The following NEK11 variants were observed in gnomAD, a reference collection of about 807,000 sequenced individuals.
The protein encoded by NEK11 is NIMA related kinase 11.
A neutral mutation model predicts 80.7 loss-of-function variants in NEK11; 72 were observed. The observed-to-expected ratio is 0.89, with a 90% CI of 0.74 to 1.08. The LOEUF is 1.08. Among genes scored for constraint, NEK11 ranks in the 50% least tolerant of loss-of-function variants. NEK11 has a pLI of 0.00. For missense variants in NEK11, 764 were observed against 763.6 expected (o/e 1.00, Z -0.01); for synonymous variants, 251 against 260.7 (o/e 0.96, Z 0.36).
chr3:131,224,087 T>C (rs1182558650), intron 14 of NEK11, among the ~76,000 whole-genome samples: 1 of 152,138 alleles, frequency 6.6e-6, no homozygotes, highest in African/African-American at 2.4e-5. Context: ...ATCATAACAT[T>C]GCAGAGCAAC....
At chr3:131,313,357 G>A (rs771288931) in intron 17 of NEK11, among the ~76,000 whole-genome samples, 2 of 152,048 alleles carry the variant, frequency 1.3e-5, no homozygotes, top group Non-Finnish European at 2.9e-5. Flanking sequence ...TCACTGGGTC[G>A]AATGGTAGTT....
chr3:131,031,345 T>G (rs2064817316), intron 3 of NEK11, among the ~76,000 whole-genome samples: 1 of 152,242 alleles, frequency 6.6e-6, no homozygotes, highest in Non-Finnish European at 1.5e-5. Flanking sequence ...AGAGGTGCTC[T>G]TCTAGCCATT....
At chr3:131,289,699 G>C (rs1451226054) in intron 17 of NEK11, among the ~76,000 whole-genome samples, 1 of 152,182 alleles carries the variant, frequency 6.6e-6, no homozygotes, top group African/African-American at 2.4e-5. Flanking sequence ...TCAGGTTCTA[G>C]GTGGTGTACA....
At position 131,109,868 on chromosome 3, in the gene NEK11, A is replaced by C; in HGVS notation, c.402A>C (p.Gln134His). The change falls in exon 5 of 18, where the codon CAA becomes CAC. Residue 134 changes from glutamine (Q) to histidine (H), a missense_variant. Transcript: ENST00000383366. ...CTGGAAAAATCTTTCCAGAAAATCA[A>C]ATAATAGAATGGTTTATCCAGCTGC... The part of the protein sequence containing the change: ...KQAGKIFPEN[Q>H]IIEWFIQLLL... 6.2e-7 allele frequency: 1 copy of C among 1,604,426 alleles called. No individual in the cohort carries two copies. The highest frequency in any genetic ancestry group is 8.5e-7 in the Non-Finnish European group (1 of 1,176,392).
intron 16 of NEK11, among the ~76,000 whole-genome samples, chr3:131,265,850 T>C (rs2096044236): frequency 6.6e-6 from 1 of 152,154 alleles, no homozygotes; most frequent in Non-Finnish European, 1.5e-5. Context: ...GTCCTGGACT[T>C]TTTTTGGTTG....
rs894901759 is a variant in NEK11, at chr3:131,323,226, A to T, written c.1719-26331A>T. ...TTTGGCTTCAGAAAGCAATTAAAAA[A>T]CTCAGCATTTCTAGGCAAAAAGCTT... On this transcript the variant is annotated intron_variant, in intron 17 of 17. Coordinates refer to ENST00000383366, the MANE Select transcript of NEK11 (RefSeq NM_024800.5). Among the ~76,000 whole-genome samples, 5 of 152,138 alleles carry T rather than the reference A, an allele frequency of 3.3e-5. No homozygotes were observed. The South Asian group carries it at 1.0e-3, about 32-fold the overall frequency.
In NEK11 at chr3:131,264,287, C is replaced by T. The variant is rs559823188; in HGVS notation, c.1622-9191C>T. On this transcript the variant is annotated intron_variant, in intron 16 of 17. Transcript: ENST00000383366. ...GTGTTTTAGTCATGAAGTCCTTGCC[C>T]ATGCCCATGTCCTGAATGGTATTGC... Among the ~76,000 whole-genome samples, 264 of 152,318 alleles carry T rather than the reference C, an allele frequency of 1.7e-3. 2 individuals carry two copies. Among genetic ancestry groups the T allele is most frequent in the African/African-American group, 6.0e-3 (249 of 41,564 alleles).
chr3:131,039,717 CTTAAAT>C (rs1348513140), intron 3 of NEK11, among the ~76,000 whole-genome samples: 1 of 152,076 alleles, frequency 6.6e-6, no homozygotes, highest in East Asian at 1.9e-4. Flanking sequence ...ATGTATATGA[CTTAAAT>C]TTAAAAGAAA....
chr3:131,345,424 C>T (rs2097347902), intron 17 of NEK11, among the ~76,000 whole-genome samples: 1 of 152,080 alleles, frequency 6.6e-6, no homozygotes, highest in Non-Finnish European at 1.5e-5. Context: ...TAAAAATGGC[C>T]AACGGATATG....
chr3:131,087,876 G>A (rs1195357034), intron 4 of NEK11: 1 of 152,152 alleles, frequency 6.6e-6, no homozygotes, highest in Non-Finnish European at 1.5e-5. Flanking sequence ...TAGTCCTGAA[G>A]CCTGTTTGGG....
chr3:131,250,770 A>T (rs997920235), intron 16 of NEK11, among the ~76,000 whole-genome samples: 2 of 152,134 alleles, frequency 1.3e-5, no homozygotes, highest in African/African-American at 2.4e-5. Flanking sequence ...TGGATAACCC[A>T]TTTGGATTTT....
intron 15 of NEK11, among the ~76,000 whole-genome samples, chr3:131,237,305 C>T (rs1360425101): frequency 1.3e-5 from 2 of 152,144 alleles, no homozygotes; most frequent in African/African-American, 4.8e-5. Flanking sequence ...CACTGTACTC[C>T]AGCCTGGGCA....
intron 17 of NEK11, chr3:131,325,444 G>C (rs1432230340): frequency 6.6e-6 from 1 of 152,070 alleles, no homozygotes; most frequent in Non-Finnish European, 1.5e-5. Context: ...TCCCTCTGCG[G>C]GTGGGAAGGG....
At chr3:131,253,004 TG>T (rs1319565287) in intron 16 of NEK11, among the ~76,000 whole-genome samples, 1 of 152,154 alleles carries the variant, frequency 6.6e-6, no homozygotes, top group African/African-American at 2.4e-5. Flanking sequence ...TCCTGTGTGA[TG>T]GGCTATCTGG....
At chr3:131,207,591 A>C (rs2094481025) in intron 14 of NEK11, among the ~76,000 whole-genome samples, 1 of 151,976 alleles carries the variant, frequency 6.6e-6, no homozygotes, top group African/African-American at 2.4e-5. Context: ...GAAAAAAAAA[A>C]AGTGTTCCTA....
At chr3:131,080,834 G>T (rs1300571716) in intron 4 of NEK11, among the ~76,000 whole-genome samples, 3 of 152,184 alleles carry the variant, frequency 2.0e-5, no homozygotes, top group African/African-American at 7.2e-5. Flanking sequence ...TGGAGGCCAG[G>T]TGTGGTGGCT....
chr3:131,273,859 A>G (rs927302339), intron 17 of NEK11, among the ~76,000 whole-genome samples: 2 of 152,204 alleles, frequency 1.3e-5, no homozygotes, highest in African/African-American at 4.8e-5. Flanking sequence ...TTTGAAAGCA[A>G]AGGAGAAAAA....
chr3:131,249,126 GA>G (rs953189599), intron 16 of NEK11, among the ~76,000 whole-genome samples: 3 of 150,246 alleles, frequency 2.0e-5, no homozygotes, highest in African/African-American at 7.3e-5. Flanking sequence ...TAAACCTACA[GA>G]AAAAAAAGAG....
intron 4 of NEK11, among the ~76,000 whole-genome samples, chr3:131,097,220 C>T (rs1181913274): frequency 6.6e-6 from 1 of 151,852 alleles, no homozygotes; most frequent in East Asian, 1.9e-4. Flanking sequence ...TTTATAGCAG[C>T]ATGATTTATA....
Sources: gnomAD v4.1 joint callset for allele counts (sites outside exome capture counted in the v4.1 genomes callset) on GRCh38, gnomAD v4.1.1 for gene constraint, MANE v1.5 for transcripts, NCBI Gene and HGNC (gene_info 2026-07-23, HGNC 2026-07-21) for gene names.